Variants in NDUFS7 observed in about 807,000 individuals in gnomAD.
NDUFS7 encodes the protein NADH:ubiquinone oxidoreductase core subunit S7.
Under a neutral mutation model 31.1 loss-of-function variants are expected in NDUFS7, and 11 were observed. The observed-to-expected ratio is 0.35, with a 90% CI of 0.22 to 0.59. NDUFS7 has a LOEUF of 0.59. NDUFS7 is among the 20% of genes least tolerant of loss of function. The pLI is 0.79. For missense variants in NDUFS7, 263 were observed against 324.2 expected, an observed-to-expected ratio of 0.81 and a Z score of 1.45; for synonymous variants, 136 against 127.9, an observed-to-expected ratio of 1.06 and a Z score of -0.43.
At chr19:1,391,248 T>C in intron 6 of NDUFS7, 83 bp downstream of exon 6, 3 of 1,501,626 alleles carry the variant, frequency 2.0e-6, no homozygotes, top group Non-Finnish European at 2.7e-6. Context: ...TTATCAAAAG[T>C]GTCATCTACA....
chr19:1,395,470 G>A lies in NDUFS7; in HGVS notation c.624G>A (p.Gln208=), dbSNP rs1212274705. ...QRKIKRERRL[Q]IWYRR ...AGATCAAGCGGGAGCGGAGGCTGCAGATCTGGTACCGCAGGTAGCGCCGCC... is the reference window on the plus strand; with the variant it reads ...AGATCAAGCGGGAGCGGAGGCTGCAAATCTGGTACCGCAGGTAGCGCCGCC... The change falls in exon 8 of 8, where the codon CAG becomes CAA. Residue 208 remains glutamine (Q), a synonymous_variant. Coordinates refer to ENST00000233627, the MANE Select transcript of NDUFS7 (RefSeq NM_024407.5). 3.8e-6 allele frequency: 6 copies of A among 1,593,580 alleles called. No homozygotes were observed. The highest frequency in any genetic ancestry group is 5.1e-6 in the Non-Finnish European group (6 of 1,172,222).
In NDUFS7 at chr19:1,387,631, A is replaced by G. The variant is rs540000843; in HGVS notation, c.17-180A>G. 3.1e-5 allele frequency: 20 copies of G among 635,886 alleles called. No individual in the cohort carries two copies. The African/African-American group carries it at 3.4e-4, about 11-fold the overall frequency. 39.4% of individuals were successfully genotyped at this position (635,886 alleles called of 1,614,324 possible). On this transcript the variant is annotated intron_variant, in intron 1 of 7. Coordinates refer to ENST00000233627, the MANE Select transcript of NDUFS7 (RefSeq NM_024407.5). ...CTTCCGGGGCCATGCAGTCTCAAGC[A>G]GGGGACTAAGACTCTCTCGTGTTCT...
Position 1,393,049 on chromosome 19 carries a change from G to T in NDUFS7, c.456-193G>T. On this transcript the variant is annotated intron_variant, in intron 6 of 7. Coordinates refer to ENST00000233627, the MANE Select transcript of NDUFS7 (RefSeq NM_024407.5). This position sits in a 1 kb window ranked among gnomAD's most constrained non-coding sequence, Gnocchi z 7.3. ...TCCCCGAGTTATCAGCCACGTGTGA[G>T]CTTGCGCCCCACTGGTCCCACAGAG... is the stretch of plus-strand genomic sequence containing the variant. 5 of 616,140 alleles carry T rather than the reference G, an allele frequency of 8.1e-6. No individual in the cohort carries two copies. The highest frequency in any genetic ancestry group is 7.5e-5 in the South Asian group (4 of 53,524). 38.2% of individuals were successfully genotyped at this position (616,140 alleles called of 1,614,324 possible).
chr19:1,394,320 G>C, intron 7 of NDUFS7: 2 of 1,271,042 alleles, frequency 1.6e-6, no homozygotes, highest in East Asian at 5.6e-5. Flanking sequence ...GGTCCATCCT[G>C]GGGTCAGGAG....
chr19:1,389,760 A>C (rs2082541851), intron 4 of NDUFS7: 1 of 342,844 alleles, frequency 2.9e-6, no homozygotes, highest in Non-Finnish European at 5.8e-6. Flanking sequence ...GCCCGGGTTC[A>C]ACAATCCCCC....
At position 1,391,138 on chromosome 19, in the gene NDUFS7, A is replaced by C. The variant is rs759618056; in HGVS notation, c.428A>C (p.Glu143Ala). The C allele has an allele frequency of 6.2e-7, 1 of 1,612,892 alleles. No individual in the cohort carries two copies. The highest frequency in any genetic ancestry group is 1.7e-5 in the Admixed American group (1 of 59,948). ...TTCCAGGTCTACGACCAGATGCCGG[A>C]GCCGCGCTACGTGGTCTCCATGGGG... ...ALRKVYDQMP[E>A]PRYVVSMGSC... Residue 143 changes from glutamate to alanine, a missense_variant, in exon 6 of 8, where the codon GAG (glutamate) becomes GCG (alanine). Glu to Ala is a moderately radical substitution (Grantham distance 107, BLOSUM62 -1). Coordinates refer to ENST00000233627, the MANE Select transcript of NDUFS7 (RefSeq NM_024407.5).
In NDUFS7 at chr19:1,393,744, A is replaced by C; in HGVS notation, c.544+414A>C. ...GACCCGGGGTGGCCGGATTTGGCAA[A>C]TGAAAACGTGGGAGGCTTAGTTTGA... is the stretch of plus-strand genomic sequence containing the variant. On this transcript the variant is annotated intron_variant, in intron 7 of 7. Coordinates refer to ENST00000233627, the MANE Select transcript of NDUFS7 (RefSeq NM_024407.5). The surrounding 1 kb of genome is among the most constrained non-coding windows in gnomAD (Gnocchi z 7.3). 2.0e-6 allele frequency: 1 copy of C among 504,232 alleles called. No homozygotes were observed. The highest frequency in any genetic ancestry group is 3.6e-6 in the Non-Finnish European group (1 of 279,184). The allele number at this position is 504,232 out of a possible 1,614,324, so 31.2% of individuals were successfully genotyped here.
chr19:1,388,122 C>T (rs1000123762), intron 2 of NDUFS7: 12 of 601,746 alleles, frequency 2.0e-5, no homozygotes, highest in Non-Finnish European at 3.6e-5. Context: ...GGTGGGAAGG[C>T]ATTCTCTGAG....
At chr19:1,395,053 T>G (rs2082586575) in intron 7 of NDUFS7, 4 of 1,212,036 alleles carry the variant, frequency 3.3e-6, no homozygotes, top group Non-Finnish European at 4.1e-6. Context: ...CACTGCTAAG[T>G]GTGTCTGCTG....
chr19:1,391,193 G>C, intron 6 of NDUFS7, 28 bp downstream of exon 6: 2 of 1,607,996 alleles, frequency 1.2e-6, no homozygotes, highest in Non-Finnish European at 1.7e-6. Context: ...GGTCTCCAGG[G>C]ACAGACGTAG....
At chr19:1,385,312 C>G (rs368870455) in intron 1 of NDUFS7, among the ~76,000 whole-genome samples, 1 of 151,794 alleles carries the variant, frequency 6.6e-6, no homozygotes, top group African/African-American at 2.4e-5. Context: ...GTCCGGAGTT[C>G]GAGACCAGCC....
chr19:1,384,129 A>G, intron 1 of NDUFS7, 187 bp downstream of exon 1: 1 of 647,138 alleles, frequency 1.5e-6, no homozygotes, highest in Non-Finnish European at 2.4e-6. Flanking sequence ...TATTGCGTCC[A>G]GAGTACAGTC....
rs1382579477 is a variant in NDUFS7 at position 1,388,585 on chromosome 19, C to T, written c.114C>T (p.Gly38=). The change falls in exon 3 of 8, where the codon GGC becomes GGT. Residue 38 remains glycine (G), a synonymous_variant. Transcript: ENST00000233627. ...TCCATCAGAGCGTGGCCACCGATGG[C>T]CCAAGCAGGTGAAGCTGGCCTTCTG... The part of the protein sequence containing the change: ...RGVHQSVATD[G]PSSTQPALPK... 3 of 1,612,206 alleles carry T rather than the reference C, an allele frequency of 1.9e-6. No individual in the cohort carries two copies. The highest frequency in any genetic ancestry group is 4.5e-5 in the East Asian group (2 of 44,856).
At chr19:1,387,652 G>T in intron 1 of NDUFS7, 159 bp from the exon 2 acceptor site, 1 of 696,040 alleles carries the variant, frequency 1.4e-6, no homozygotes, top group South Asian at 1.5e-5. Context: ...ACTCTCTCGT[G>T]TTCTGAAAAC....
rs769477110 is a variant in NDUFS7 at position 1,393,015 on chromosome 19, G to A, written c.456-227G>A. On this transcript the variant is annotated intron_variant, in intron 6 of 7. Transcript: ENST00000233627. The surrounding 1 kb of genome is among the most constrained non-coding windows in gnomAD (Gnocchi z 7.3). ...GTGGTCAGGAGCCCCCTCGGGAGGG[G>A]AGCACTTTTCCCCGAGTTATCAGCC... 3 of 598,684 alleles carry A rather than the reference G, an allele frequency of 5.0e-6. No individual in the cohort carries two copies. Among genetic ancestry groups the A allele is most frequent in the African/African-American group, 1.9e-5 (1 of 54,004 alleles). 37.1% of individuals were successfully genotyped at this position (598,684 alleles called of 1,614,324 possible).
At chr19:1,394,704 G>A in intron 7 of NDUFS7, 8 of 1,188,110 alleles carry the variant, frequency 6.7e-6, no homozygotes, top group Non-Finnish European at 8.4e-6. Flanking sequence ...TGCGGACTGT[G>A]CTTCTCCCTC....
chr19:1,390,879 G>T lies in NDUFS7; in HGVS notation c.237G>T (p.Leu79=). Residue 79 remains leucine (L), a synonymous_variant, in exon 5 of 8, where the codon CTG becomes CTT. Transcript: ENST00000233627. ...DLVNWARRSS[L]WPMTFGLACC... is the part of the protein sequence containing the mutation. ...GAGCCCGGCCTCCGCAGAGTTCTCT[G>T]TGGCCCATGACCTTCGGCCTGGCCT... 1 of 1,609,468 alleles carries T rather than the reference G, an allele frequency of 6.2e-7. No homozygotes were observed. Among genetic ancestry groups the T allele is most frequent in the South Asian group, 1.1e-5 (1 of 91,076 alleles).
intron 2 of NDUFS7, chr19:1,388,247 GT>G: frequency 6.8e-6 from 4 of 589,982 alleles, no homozygotes; most frequent in Non-Finnish European, 9.1e-6. Context: ...CCTGCTGCCA[GT>G]TTCCTTCTGT....
intron 4 of NDUFS7, chr19:1,390,524 C>T: frequency 2.3e-6 from 1 of 430,562 alleles, no homozygotes; most frequent in African/African-American, 2.0e-5. Context: ...GCAGAGAGTT[C>T]CCGGTTAGAC....
Sources: gnomAD v4.1 joint callset for allele counts (sites outside exome capture counted in the v4.1 genomes callset) on GRCh38, gnomAD v4.1.1 for gene constraint, Gnocchi (gnomAD v3.1) non-coding constraint, MANE v1.5 for transcripts, NCBI Gene and HGNC (gene_info 2026-07-23, HGNC 2026-07-21) for gene names.